The following SPIRE1 variants were observed in gnomAD, a reference collection of about 807,000 sequenced individuals.
SPIRE1 encodes the protein spire type actin nucleation factor 1, also known as protein spire homolog 1.
Under a neutral mutation model 94.1 loss-of-function variants are expected in SPIRE1, and 40 were observed. The ratio of observed to expected loss-of-function variants is 0.43; its 90% CI spans 0.33 to 0.55. The LOEUF is 0.55. Ranked by LOEUF, SPIRE1 falls within the 20% of genes least tolerant of loss-of-function variation. SPIRE1 has a pLI of 0.06. For missense variants in SPIRE1, 838 were observed against 975.2 expected (o/e 0.86, Z 1.87); for synonymous variants, 376 against 371.7 (o/e 1.01, Z -0.13).
intron 2 of SPIRE1, among the ~76,000 whole-genome samples, chr18:12,548,984 C>T (rs1168950266): frequency 6.6e-6 from 1 of 152,160 alleles, no homozygotes; most frequent in African/African-American, 2.4e-5. Flanking sequence ...TTTAGTTATC[C>T]CTCCTGGCAG....
intron 2 of SPIRE1, among the ~76,000 whole-genome samples, chr18:12,574,459 GA>G (rs1029641453): frequency 1.3e-5 from 2 of 152,034 alleles, no homozygotes; most frequent in African/African-American, 2.4e-5. Context: ...AATGTAGGGA[GA>G]AAAAAAATGA....
intron 10 of SPIRE1, among the ~76,000 whole-genome samples, chr18:12,468,990 A>C (rs1380077145): frequency 6.6e-6 from 1 of 152,090 alleles, no homozygotes; most frequent in Admixed American, 6.6e-5. Flanking sequence ...CCTGAGACCA[A>C]GAGGTCGAGG....
At chr18:12,556,078 C>CA (rs928143258) in intron 2 of SPIRE1, among the ~76,000 whole-genome samples, 216 of 144,656 alleles carry the variant, frequency 1.5e-3, no homozygotes, top group Middle Eastern at 0.011. Context: ...ACAATAGCTA[C>CA]AAAAAAAAAA....
intron 2 of SPIRE1, among the ~76,000 whole-genome samples, chr18:12,549,449 T>G (rs1177394062): frequency 3.1e-5 from 3 of 95,248 alleles, no homozygotes; most frequent in South Asian, 7.3e-4. Context: ...GTTTTTTTTT[T>G]TTTTTTTTTT....
chr18:12,477,196 G>T (rs569800263), intron 10 of SPIRE1, among the ~76,000 whole-genome samples: 23 of 152,260 alleles, frequency 1.5e-4, no homozygotes, highest in African/African-American at 4.8e-4. Flanking sequence ...GACTAGAAAA[G>T]GAGTTAAAAG....
chr18:12,490,192 T>A (rs1456033552), intron 8 of SPIRE1, among the ~76,000 whole-genome samples: 1 of 152,172 alleles, frequency 6.6e-6, no homozygotes, highest in African/African-American at 2.4e-5. Flanking sequence ...ATACCAATTG[T>A]CAAGGTTAAA....
At chr18:12,452,193 T>C (rs2031273776) in intron 16 of SPIRE1, 62 bp downstream of exon 16, 5 of 1,601,794 alleles carry the variant, frequency 3.1e-6, no homozygotes, top group Non-Finnish European at 4.3e-6. Context: ...TCTACCACAG[T>C]CCTCAAGAGT....
At chr18:12,600,749 G>T (rs1396785211) in intron 2 of SPIRE1, among the ~76,000 whole-genome samples, 1 of 151,776 alleles carries the variant, frequency 6.6e-6, no homozygotes, top group Non-Finnish European at 1.5e-5. Flanking sequence ...CTGAGGTAGG[G>T]TCTCGCTCTG....
chr18:12,586,344 A>G (rs543727118), intron 2 of SPIRE1, among the ~76,000 whole-genome samples: 87 of 152,218 alleles, frequency 5.7e-4, no homozygotes, highest in Non-Finnish European at 1.1e-3. Flanking sequence ...CAGTAAGTCT[A>G]AAACTGTTAC....
intron 12 of SPIRE1, among the ~76,000 whole-genome samples, chr18:12,454,700 A>C (rs1029814115): frequency 6.6e-6 from 1 of 151,704 alleles, no homozygotes; most frequent in Admixed American, 6.6e-5. Context: ...CAAGTGATCT[A>C]CTGAAATTTC....
chr18:12,452,440 G>C (rs781105971), intron 15 of SPIRE1, 45 bp downstream of exon 15: 2 of 1,613,966 alleles, frequency 1.2e-6, no homozygotes, highest in East Asian at 4.5e-5. Flanking sequence ...TAAAGAGGCA[G>C]TCACTAAAAG....
At chr18:12,485,812 G>T in intron 9 of SPIRE1, 147 bp downstream of exon 9, 1 of 637,292 alleles carries the variant, frequency 1.6e-6, no homozygotes, top group South Asian at 1.9e-5. Context: ...TTTCAAACAA[G>T]CAGAATGTTT....
chr18:12,480,047 G>A (rs1307965675), intron 9 of SPIRE1, among the ~76,000 whole-genome samples, 176 bp from the exon 10 acceptor site: 2 of 152,110 alleles, frequency 1.3e-5, no homozygotes, highest in Non-Finnish European at 2.9e-5. Flanking sequence ...TCAATTAAAG[G>A]AAACTTTAAA....
intron 2 of SPIRE1, among the ~76,000 whole-genome samples, chr18:12,550,292 A>G (rs185852062): frequency 1.3e-5 from 2 of 152,342 alleles, no homozygotes; most frequent in African/African-American, 4.8e-5. Flanking sequence ...GAAGGCCTGG[A>G]AGATGAAGAT....
rs926840565 is a variant in SPIRE1, at chr18:12,559,124, G to C, written c.373-12220C>G. Reference sequence around the variant, plus strand: ...GCGGTAGATGGGACCAGGCACCTTGGAGCAGGGGGAGGCGCCCCCTGGGGA... The same window carrying C: ...GCGGTAGATGGGACCAGGCACCTTGCAGCAGGGGGAGGCGCCCCCTGGGGA... On this transcript the variant is annotated intron_variant, in intron 2 of 16. Transcript: ENST00000409402. This position sits in a 1 kb window ranked among gnomAD's most constrained non-coding sequence, Gnocchi z 4.7. Among the ~76,000 whole-genome samples the C allele has an allele frequency of 6.6e-6, 1 of 151,432 alleles. No individual in the cohort carries two copies. Among genetic ancestry groups the C allele is most frequent in the Non-Finnish European group, 1.5e-5 (1 of 67,700 alleles).
chr18:12,643,293 T>G (rs924617059), intron 1 of SPIRE1, among the ~76,000 whole-genome samples: 1 of 152,172 alleles, frequency 6.6e-6, no homozygotes, highest in African/African-American at 2.4e-5. Context: ...TGCTTAAACT[T>G]CACAAGCTCA....
intron 1 of SPIRE1, among the ~76,000 whole-genome samples, chr18:12,637,927 A>C (rs1298124515): frequency 6.6e-6 from 1 of 152,224 alleles, no homozygotes; most frequent in African/African-American, 2.4e-5. Flanking sequence ...AAGTACTAAA[A>C]ATTTTTGTGA....
At chr18:12,490,900 T>C (rs2033210168) in intron 8 of SPIRE1, among the ~76,000 whole-genome samples, 1 of 152,114 alleles carries the variant, frequency 6.6e-6, no homozygotes, top group African/African-American at 2.4e-5. Flanking sequence ...CACTTCTATA[T>C]TCAACATAGT....
chr18:12,550,071 G>C lies in SPIRE1; in HGVS notation c.373-3167C>G, dbSNP rs1322494649. On this transcript the variant is annotated intron_variant, in intron 2 of 16. Coordinates refer to ENST00000409402, the MANE Select transcript of SPIRE1 (RefSeq NM_001128626.2). ...TTTCCCACTTTCAAATGTACAAACT[G>C]ATAGGAATCTCTACTTATTTTCCCT... Among the ~76,000 whole-genome samples, 8 of 152,146 alleles carry C rather than the reference G, an allele frequency of 5.3e-5. No homozygotes were observed. In the East Asian group the frequency reaches 1.3e-3, roughly 26 times the overall value.
Sources: gnomAD v4.1 joint callset for allele counts (sites outside exome capture counted in the v4.1 genomes callset) on GRCh38, gnomAD v4.1.1 for gene constraint, Gnocchi (gnomAD v3.1) non-coding constraint, MANE v1.5 for transcripts, NCBI Gene and HGNC (gene_info 2026-07-23, HGNC 2026-07-21) for gene names.